PDE1C: variants seen among roughly 807,000 people sequenced by gnomAD.
PDE1C encodes the protein dual specificity calcium/calmodulin-dependent 3',5'-cyclic nucleotide phosphodiesterase 1C.
Under a neutral mutation model 93.1 loss-of-function variants are expected in PDE1C, and 62 were observed. The observed-to-expected ratio is 0.67, with a 90% CI of 0.54 to 0.82. PDE1C has a LOEUF of 0.82. Ranked by LOEUF, PDE1C falls within the 40% of genes least tolerant of loss-of-function variation. The pLI is 0.00. For missense variants in PDE1C, 742 were observed against 884.6 expected (o/e 0.84, Z 2.04); for synonymous variants, 325 against 310.1 (o/e 1.05, Z -0.50).
chr7:32,151,574 T>C (rs1308354262), intron 3 of PDE1C, among the ~76,000 whole-genome samples: 4 of 152,328 alleles, frequency 2.6e-5, no homozygotes, highest in East Asian at 1.9e-4. Flanking sequence ...AAAGAAATGA[T>C]CATACATGCA....
At chr7:32,215,327 C>G (rs530951474) in intron 1 of PDE1C, among the ~76,000 whole-genome samples, 24 of 152,148 alleles carry the variant, frequency 1.6e-4, no homozygotes, top group African/African-American at 5.6e-4. Context: ...ACCATTCCCC[C>G]CAACACCCGT....
chr7:31,794,269 T>A (rs563933980), intron 16 of PDE1C, among the ~76,000 whole-genome samples: 1 of 152,158 alleles, frequency 6.6e-6, no homozygotes, highest in Admixed American at 6.6e-5. Flanking sequence ...ACAGTTAGTT[T>A]AGTGCAAAAG....
chr7:31,676,040 G>C, the PDE1C span, among the ~76,000 whole-genome samples: 1 of 152,110 alleles, frequency 6.6e-6, no homozygotes, highest in Non-Finnish European at 1.5e-5. Flanking sequence ...TTAATACTAT[G>C]GTGCTTTCAG....
chr7:31,989,822 T>C (rs1031914012), intron 2 of PDE1C, among the ~76,000 whole-genome samples: 1 of 152,236 alleles, frequency 6.6e-6, no homozygotes, highest in African/African-American at 2.4e-5. Flanking sequence ...ATTTACTACT[T>C]ACACAATCAT....
chr7:31,887,291 AG>A (rs1188861805), intron 2 of PDE1C, among the ~76,000 whole-genome samples: 1 of 152,234 alleles, frequency 6.6e-6, no homozygotes, highest in Non-Finnish European at 1.5e-5. Context: ...ACCAAAAACA[AG>A]AACAGTGCCA....
At chr7:31,878,074 T>A (rs1161932229) in intron 4 of PDE1C, 38 bp from the exon 5 acceptor site, 1 of 1,432,962 alleles carries the variant, frequency 7.0e-7, no homozygotes, top group East Asian at 2.3e-5. Flanking sequence ...CATGATATCT[T>A]ATAAAGTAGG....
At chr7:31,678,431 T>C in the PDE1C span, among the ~76,000 whole-genome samples, 3 of 152,064 alleles carry the variant, frequency 2.0e-5, no homozygotes, top group South Asian at 6.2e-4. Context: ...CAATTGCAAA[T>C]AGAAATTTAG....
At chr7:31,796,959 T>G (rs1292369336) in intron 16 of PDE1C, among the ~76,000 whole-genome samples, 1 of 151,776 alleles carries the variant, frequency 6.6e-6, no homozygotes, top group Non-Finnish European at 1.5e-5. Flanking sequence ...CTCCTCCATT[T>G]ATTGACTTTT....
intron 2 of PDE1C, among the ~76,000 whole-genome samples, chr7:31,989,416 A>G (rs1180731326): frequency 3.3e-5 from 5 of 152,236 alleles, no homozygotes; most frequent in Admixed American, 3.3e-4. Flanking sequence ...GAACATTTCC[A>G]TAAATATGCA....
chr7:31,935,097 C>T (rs546591238), intron 2 of PDE1C, among the ~76,000 whole-genome samples: 24 of 152,204 alleles, frequency 1.6e-4, no homozygotes, highest in Admixed American at 2.6e-4. Context: ...AACAAAAACT[C>T]GAATGCCTTC....
At position 31,753,404 on chromosome 7, in the gene PDE1C, G is replaced by A. The variant is rs904368094; in HGVS notation, c.2110C>T (p.His704Tyr). Reference sequence around the variant, plus strand: ...TCGGCCTATTTTCTGTTCCAGTTATGTGAGATGTTCTGAATCTTTTTCATT... The same window carrying A: ...TCGGCCTATTTTCTGTTCCAGTTATATGAGATGTTCTGAATCTTTTTCATT... ...IKMKKIQNIS[H>Y]NWNRK The change falls in exon 18 of 18, where the codon CAT becomes TAT. Residue 704 changes from histidine (H) to tyrosine (Y), a missense_variant. Physicochemically the swap from His to Tyr is moderately conservative, Grantham distance 83 (BLOSUM62 2). Transcript: ENST00000396191. The A allele has an allele frequency of 3.7e-6, 6 of 1,612,154 alleles. No individual in the cohort carries two copies. In the African/African-American group the frequency reaches 8.0e-5, roughly 22 times the overall value.
chr7:31,850,550 T>C (rs975476552), intron 8 of PDE1C, 91 bp downstream of exon 8: 2 of 842,754 alleles, frequency 2.4e-6, no homozygotes, highest in East Asian at 2.4e-5. Flanking sequence ...AGGAAACCTA[T>C]GCAAAAGAAA....
chr7:32,079,987 G>C (rs989154468), intron 3 of PDE1C, among the ~76,000 whole-genome samples: 2 of 152,154 alleles, frequency 1.3e-5, no homozygotes, highest in African/African-American at 2.4e-5. Context: ...TTTGATCTAA[G>C]ACCTGAAGGA....
At chr7:31,651,839 A>T in the PDE1C span, 2 of 751,594 alleles carry the variant, frequency 2.7e-6, no homozygotes, top group Non-Finnish European at 4.4e-6. Flanking sequence ...ATTCTCTTTT[A>T]AGAAATTGCA....
chr7:32,133,875 TAA>T lies in PDE1C; in HGVS notation c.308+35908_308+35909del, dbSNP rs1207850680. ...GCTATTACAACCGTGCTTATGGAAA[TAA>T]AGGAAAACATGCTCACAATGAATGA... On this transcript the variant is annotated intron_variant, in intron 3 of 18. Transcript: ENST00000396193. Among the ~76,000 whole-genome samples, 7 of 152,006 alleles carry T rather than the reference TAA, an allele frequency of 4.6e-5. No individual in the cohort carries two copies. In the East Asian group the frequency reaches 1.4e-3, roughly 29 times the overall value.
intron 2 of PDE1C, among the ~76,000 whole-genome samples, chr7:32,014,030 C>T (rs1355978512): frequency 6.6e-6 from 1 of 152,182 alleles, no homozygotes; most frequent in East Asian, 1.9e-4. Context: ...ACAAAGAAAG[C>T]CCTAATGAGT....
At chr7:31,759,001 T>C (rs748513713) in intron 17 of PDE1C, among the ~76,000 whole-genome samples, 2 of 152,168 alleles carry the variant, frequency 1.3e-5, no homozygotes, top group Non-Finnish European at 2.9e-5. Flanking sequence ...GGGATTCTGA[T>C]TGTCAGAACA....
intron 2 of PDE1C, among the ~76,000 whole-genome samples, chr7:31,920,649 C>T (rs150271216): frequency 8.5e-5 from 13 of 152,280 alleles, no homozygotes; most frequent in African/African-American, 2.6e-4. Flanking sequence ...CATGTTCCTA[C>T]AAGCCAGCTT....
chr7:31,728,555 T>C, the PDE1C span, among the ~76,000 whole-genome samples: 1 of 152,240 alleles, frequency 6.6e-6, no homozygotes, highest in South Asian at 2.1e-4. Context: ...CTAGAACTTA[T>C]ATTCATTCAT....
Sources: allele counts gnomAD v4.1 joint callset (sites outside exome capture counted in the v4.1 genomes callset), GRCh38; gene constraint gnomAD v4.1.1; transcripts MANE v1.5; gene names NCBI Gene and HGNC (gene_info 2026-07-23, HGNC 2026-07-21).